PLCH1: variants seen among roughly 807,000 people sequenced by gnomAD.
PLCH1 encodes the protein phospholipase C eta 1.
A neutral mutation model predicts 126.7 loss-of-function variants in PLCH1; 60 were observed. The observed-to-expected ratio is 0.47, with a 90% CI of 0.38 to 0.59. The LOEUF (loss-of-function observed/expected upper bound fraction) is 0.59, where lower values mean the gene tolerates loss of function less well. PLCH1 is among the 20% of genes least tolerant of loss of function. The pLI is 0.00. For missense variants in PLCH1, 1,723 were observed against 2,040.0 expected (o/e 0.84, Z 2.99); for synonymous variants, 719 against 734.9 (o/e 0.98, Z 0.35).
chr3:155,482,896 T>C lies in PLCH1; in HGVS notation c.3130A>G (p.Thr1044Ala). The C allele has an allele frequency of 6.2e-7, 1 of 1,614,220 alleles. No homozygotes were observed. Among genetic ancestry groups the C allele is most frequent in the South Asian group, 1.1e-5 (1 of 91,086 alleles). The change falls in exon 23 of 23, where the codon ACA (threonine) becomes GCA (alanine). Residue 1044 changes from threonine (T) to alanine (A), a missense_variant. This residue lies in a region of PLCH1 where 947 missense variants were observed against 977.1 expected (regional missense o/e 0.97). Transcript: ENST00000460012. ...CTTGACATGCCCAGCTGTTCTCCTG[T>C]GACTGACATGTGGGCAGTAGATACA... ...TIVSTAHMSV[T>A]GEQLGMSSPR...
intron 7 of PLCH1, among the ~76,000 whole-genome samples, chr3:155,566,725 G>GC (rs1409026156): frequency 1.3e-5 from 2 of 152,006 alleles, no homozygotes; most frequent in East Asian, 3.9e-4. Context: ...AACCCTATCA[G>GC]TTTTTTTACA....
At chr3:155,520,476 C>T (rs6440994) in intron 11 of PLCH1, among the ~76,000 whole-genome samples, 59,974 of 151,944 alleles carry the variant, frequency 0.39, 15,306 homozygotes, top group African/African-American at 0.73. Context: ...ATCAGCTTTA[C>T]GTAGGAGATA....
intron 2 of PLCH1, among the ~76,000 whole-genome samples, chr3:155,691,267 G>C (rs1478096414): frequency 6.6e-6 from 1 of 152,176 alleles, no homozygotes; most frequent in Non-Finnish European, 1.5e-5. Flanking sequence ...AGACTTAAAA[G>C]AGGTAATGCT....
intron 2 of PLCH1, among the ~76,000 whole-genome samples, chr3:155,632,166 T>A (rs1738129611): frequency 6.6e-6 from 1 of 152,206 alleles, no homozygotes. Context: ...TGATCATTAT[T>A]GTGTCTGAAA....
intron 1 of PLCH1, among the ~76,000 whole-genome samples, chr3:155,712,772 T>A (rs1044936331): frequency 2.0e-5 from 3 of 150,040 alleles, no homozygotes; most frequent in African/African-American, 7.3e-5. Context: ...AATAACTTTA[T>A]GGGAAGAAGG....
chr3:155,691,506 T>C (rs1402552935), intron 2 of PLCH1, among the ~76,000 whole-genome samples: 2 of 152,226 alleles, frequency 1.3e-5, no homozygotes, highest in African/African-American at 4.8e-5. Context: ...TTCACAACTC[T>C]GAGACTTCTA....
intron 1 of PLCH1, among the ~76,000 whole-genome samples, chr3:155,710,010 C>G (rs144910713): frequency 6.6e-6 from 1 of 152,110 alleles, no homozygotes; most frequent in Non-Finnish European, 1.5e-5. Flanking sequence ...TGTTTTGAGA[C>G]GCAGTCTCAC....
chr3:155,542,354 G>A (rs900412389), intron 10 of PLCH1, among the ~76,000 whole-genome samples: 3 of 152,180 alleles, frequency 2.0e-5, no homozygotes, highest in Non-Finnish European at 4.4e-5. Flanking sequence ...CCATTGCCCA[G>A]GCTTGCTTAG....
chr3:155,580,759 A>G (rs2108582579), intron 6 of PLCH1, among the ~76,000 whole-genome samples: 1 of 152,314 alleles, frequency 6.6e-6, no homozygotes, highest in East Asian at 1.9e-4. Flanking sequence ...ATACGGCACG[A>G]TAATTGTAAT....
In PLCH1 at chr3:155,482,169, T is replaced by A; in HGVS notation, c.3857A>T (p.Lys1286Met). The change falls in exon 23 of 23, where the codon AAG becomes ATG. Residue 1286 changes from lysine (K) to methionine (M), a missense_variant. By Grantham distance (95) the Lys-to-Met change is moderately conservative (BLOSUM62 -1). Transcript: ENST00000460012. ...KTKPDDDLSS[K>M]AKTAALESNL... is the part of the protein sequence containing the mutation. Reference sequence around the variant, plus strand: ...GCTTTCTAAGGCCGCTGTCTTGGCCTTACTAGAAAGGTCATCATCTGGTTT... The same window carrying A: ...GCTTTCTAAGGCCGCTGTCTTGGCCATACTAGAAAGGTCATCATCTGGTTT... 5 of 1,614,198 alleles carry A rather than the reference T, an allele frequency of 3.1e-6. No homozygotes were observed. Among genetic ancestry groups the A allele is most frequent in the Non-Finnish European group, 4.2e-6 (5 of 1,180,032 alleles).
chr3:155,722,497 C>T (rs545698745), intron 1 of PLCH1, among the ~76,000 whole-genome samples: 1 of 152,270 alleles, frequency 6.6e-6, no homozygotes, highest in South Asian at 2.1e-4. Context: ...TATGTCCCTT[C>T]TATGGCAATT....
chr3:155,606,141 C>T (rs1025144205), intron 2 of PLCH1, among the ~76,000 whole-genome samples: 2 of 152,008 alleles, frequency 1.3e-5, no homozygotes, highest in Middle Eastern at 3.4e-3. Flanking sequence ...GGGCTTTATG[C>T]TTTTTTTTCT....
At chr3:155,706,601 C>A (rs1746690911) in intron 1 of PLCH1, among the ~76,000 whole-genome samples, 1 of 141,768 alleles carries the variant, frequency 7.1e-6, no homozygotes, top group Non-Finnish European at 1.5e-5. Flanking sequence ...GCCTGGGCGA[C>A]AAAGACTCCG....
At chr3:155,664,301 T>C (rs1458315065) in intron 2 of PLCH1, among the ~76,000 whole-genome samples, 1 of 152,226 alleles carries the variant, frequency 6.6e-6, no homozygotes, top group Non-Finnish European at 1.5e-5. Context: ...AGCTGCATAA[T>C]GTCTGAACTA....
chr3:155,581,300 T>C (rs995132925), intron 6 of PLCH1, among the ~76,000 whole-genome samples: 1 of 152,218 alleles, frequency 6.6e-6, no homozygotes, highest in Non-Finnish European at 1.5e-5. Flanking sequence ...CTCAGATATA[T>C]ATTCAACAGA....
At chr3:155,514,160 ATCT>A (rs1165078118) in intron 12 of PLCH1, among the ~76,000 whole-genome samples, 4 of 152,210 alleles carry the variant, frequency 2.6e-5, no homozygotes, top group African/African-American at 7.2e-5. Context: ...GCTTACCAAC[ATCT>A]TCTTCATCAT....
downstream of PLCH1, among the ~76,000 whole-genome samples, chr3:155,477,689 CAAT>C (rs1426003656): frequency 1.3e-5 from 2 of 152,070 alleles, no homozygotes; most frequent in Admixed American, 6.6e-5. Context: ...ATCAAAACTA[CAAT>C]GAGATATCAT....
intron 2 of PLCH1, chr3:155,676,393 G>A (rs386867): frequency 7.9e-6 from 8 of 1,017,188 alleles, no homozygotes; most frequent in Non-Finnish European, 8.2e-6. Flanking sequence ...TTCGTGCAGC[G>A]CGTTAAAGCC....
chr3:155,586,718 G>T (rs563888458), intron 4 of PLCH1, among the ~76,000 whole-genome samples: 6 of 151,968 alleles, frequency 3.9e-5, no homozygotes, highest in African/African-American at 1.2e-4. Context: ...AAAAAGGGGC[G>T]GGGGGTGGTT....
Sources: allele counts gnomAD v4.1 joint callset (sites outside exome capture counted in the v4.1 genomes callset), GRCh38; gene constraint gnomAD v4.1.1; regional missense constraint gnomAD v4.1.1; transcripts MANE v1.5; gene names NCBI Gene and HGNC (gene_info 2026-07-23, HGNC 2026-07-21).